The following TPR variants were observed in gnomAD, a reference collection of about 807,000 sequenced individuals.
The protein encoded by TPR is nucleoprotein TPR.
Under a neutral mutation model 316.1 loss-of-function variants are expected in TPR, and 51 were observed. That is an observed-to-expected ratio of 0.16 (90% CI 0.13 to 0.20). The LOEUF (loss-of-function observed/expected upper bound fraction) is 0.20, where lower values mean the gene tolerates loss of function less well. Among genes scored for constraint, TPR ranks in the 10% least tolerant of loss-of-function variants. The pLI is 1.00. For missense variants in TPR, 2,272 were observed against 2,754.8 expected (o/e 0.82, Z 3.92); for synonymous variants, 981 against 914.7 (o/e 1.07, Z -1.31).
chr1:186,317,649 C>G, intron 48 of TPR, 49 bp from the exon 49 acceptor site: 1 of 1,525,600 alleles, frequency 6.6e-7, no homozygotes, highest in Non-Finnish European at 9.0e-7. Context: ...TACAGTCAAT[C>G]ATAAATTATA....
Position 186,358,622 on chromosome 1 carries a change from T to C in TPR, c.1418A>G (p.Asp473Gly). The C allele has an allele frequency of 6.2e-7, 1 of 1,612,508 alleles. No individual in the cohort carries two copies. The highest frequency in any genetic ancestry group is 8.5e-7 in the Non-Finnish European group (1 of 1,179,336). ...TACAGATGATTGCTTGTTGGCTTTA[T>C]CAGTGTCCTCCTGCAATCGCTGAAT... The part of the protein sequence containing the change: ...KEIQRLQEDT[D>G]KANKQSSVLE... The change falls in exon 13 of 51, where the codon GAT becomes GGT. Residue 473 changes from aspartate to glycine, a missense_variant. By Grantham distance (94) the Asp-to-Gly change is moderately conservative. This residue lies in a region of TPR where 549 missense variants were observed against 598.6 expected (regional missense o/e 0.92). Transcript: ENST00000367478.
In TPR at chr1:186,341,072, T is replaced by C; in HGVS notation, c.3976A>G (p.Lys1326Glu). Residue 1326 changes from lysine (K) to glutamate (E), a missense_variant, in exon 29 of 51, where the codon AAG (lysine) becomes GAG (glutamate). Physicochemically the swap from Lys to Glu is moderately conservative, Grantham distance 56. Coordinates refer to ENST00000367478, the MANE Select transcript of TPR (RefSeq NM_003292.3). ...CGTTTGACATCCTCTTCTAAGAGCT[T>C]CTTCTCTGCCTGCAACATACCGCTT... ...EKSGMLQAEK[K>E]LLEEDVKRWK... 1 of 1,614,134 alleles carries C rather than the reference T, an allele frequency of 6.2e-7. No homozygotes were observed. The highest frequency in any genetic ancestry group is 8.5e-7 in the Non-Finnish European group (1 of 1,180,010).
intron 33 of TPR, 87 bp downstream of exon 33, chr1:186,336,409 A>G: frequency 1.6e-6 from 2 of 1,263,434 alleles, no homozygotes; most frequent in South Asian, 1.2e-5. Context: ...ATAAGTAGAT[A>G]CCTTTTATTT....
At chr1:186,361,756 T>A in intron 8 of TPR, 33 bp downstream of exon 8, 9 of 1,613,132 alleles carry the variant, frequency 5.6e-6, no homozygotes, top group Non-Finnish European at 7.6e-6. Context: ...CAATGCAACA[T>A]TTAGATACTA....
At chr1:186,344,275 T>C in intron 25 of TPR, 100 bp downstream of exon 25, 1 of 1,445,616 alleles carries the variant, frequency 6.9e-7, no homozygotes, top group South Asian at 1.3e-5. Flanking sequence ...CACTCCAGCA[T>C]GGGTGACAGA....
At chr1:186,325,404 A>C (rs1279467899) in intron 42 of TPR, 2 of 166,258 alleles carry the variant, frequency 1.2e-5, no homozygotes, top group Non-Finnish European at 1.3e-5. Context: ...AATAGCCCCA[A>C]ATCTTGAAGC....
chr1:186,312,853 TC>T lies in TPR; in HGVS notation c.*1117del. On this transcript the variant is annotated 3_prime_UTR_variant, in exon 51 of 51. Transcript: ENST00000367478. ...ACCTCAGCTATATCACTGCCCAACA[TC>T]AGAAAACCTGACGGCTATGATTACT... The T allele has an allele frequency of 1.2e-6, 2 of 1,612,618 alleles. No homozygotes were observed. Among genetic ancestry groups the T allele is most frequent in the Non-Finnish European group, 1.7e-6 (2 of 1,178,694 alleles).
At position 186,341,115 on chromosome 1, in the gene TPR, A is replaced by G; in HGVS notation, c.3933T>C (p.Asn1311=). The part of the protein sequence containing the change: ...ELDILPLQEA[N]AELSEKSGML... ...TACCGCTTTTCTCACTCAGCTCAGC[A>G]TTTGCTTCTTGTAAGGGTAAAATAT... Residue 1311 remains asparagine (N), a synonymous_variant, in exon 29 of 51, where the codon AAT becomes AAC. Transcript: ENST00000367478. The G allele has an allele frequency of 6.2e-7, 1 of 1,614,112 alleles. No homozygotes were observed. The highest frequency in any genetic ancestry group is 8.5e-7 in the Non-Finnish European group (1 of 1,180,006).
rs1658226368 is a variant in TPR at position 186,333,186 on chromosome 1, T to G, written c.5391A>C (p.Ile1797=). ...CTGGTGAACTCTGAACAACCTCTACTATGTTTGAAGATAACTCTTGATTGG... is the reference window on the plus strand; with the variant it reads ...CTGGTGAACTCTGAACAACCTCTACGATGTTTGAAGATAACTCTTGATTGG... ...EPANQELSSN[I]VEVVQSSPVE... Residue 1797 remains isoleucine, a synonymous_variant, in exon 37 of 51, where the codon ATA becomes ATC. Transcript: ENST00000367478. 1 of 1,613,566 alleles carries G rather than the reference T, an allele frequency of 6.2e-7. No homozygotes were observed. Among genetic ancestry groups the G allele is most frequent in the Non-Finnish European group, 8.5e-7 (1 of 1,179,670 alleles).
chr1:186,338,741 A>G (rs2102070210), intron 30 of TPR, among the ~76,000 whole-genome samples: 1 of 152,324 alleles, frequency 6.6e-6, no homozygotes, highest in Middle Eastern at 3.4e-3. Context: ...CATTTGGTCT[A>G]TGGGCTACAG....
chr1:186,331,632 G>A, intron 38 of TPR, 51 bp from the exon 39 acceptor site: 1 of 1,230,868 alleles, frequency 8.1e-7, no homozygotes, highest in Non-Finnish European at 1.1e-6. Context: ...GTAGATGAAG[G>A]GTTACCTGTT....
At chr1:186,358,977 C>T (rs1370780387) in intron 12 of TPR, among the ~76,000 whole-genome samples, 1 of 152,040 alleles carries the variant, frequency 6.6e-6, no homozygotes, top group Non-Finnish European at 1.5e-5. Flanking sequence ...TGCTAGACTT[C>T]ACTTGATGAA....
At chr1:186,338,850 C>G (rs1297536248) in intron 30 of TPR, among the ~76,000 whole-genome samples, 1 of 151,870 alleles carries the variant, frequency 6.6e-6, no homozygotes, top group African/African-American at 2.4e-5. Context: ...AATCAGATGG[C>G]CTGAATTAGG....
At chr1:186,318,203 C>G (rs1252092464) in intron 48 of TPR, among the ~76,000 whole-genome samples, 1 of 152,026 alleles carries the variant, frequency 6.6e-6, no homozygotes, top group Non-Finnish European at 1.5e-5. Flanking sequence ...GTGGCGGGTG[C>G]CTGTAATCCC....
intron 49 of TPR, among the ~76,000 whole-genome samples, chr1:186,315,906 T>C (rs891205082): frequency 6.7e-6 from 1 of 148,448 alleles, no homozygotes; most frequent in African/African-American, 2.5e-5. Context: ...TGCACAGCTT[T>C]GATCCCTTTC....
At chr1:186,331,670 C>T in intron 38 of TPR, 89 bp from the exon 39 acceptor site, 1 of 754,420 alleles carries the variant, frequency 1.3e-6, no homozygotes, top group South Asian at 3.0e-5. Context: ...TTGAAAAAAC[C>T]CTTCAAATCT....
intron 4 of TPR, among the ~76,000 whole-genome samples, chr1:186,364,198 TAAC>T (rs1050312623): frequency 6.6e-6 from 1 of 152,194 alleles, no homozygotes; most frequent in Non-Finnish European, 1.5e-5. Context: ...AAACCTTGAA[TAAC>T]AACATGGGAT....
At chr1:186,348,254 T>C (rs1053453192) in intron 21 of TPR, among the ~76,000 whole-genome samples, 5 of 152,150 alleles carry the variant, frequency 3.3e-5, no homozygotes, top group Non-Finnish European at 5.9e-5. Flanking sequence ...GGGAGGTCTA[T>C]GAACAGCCGC....
At chr1:186,319,918 C>T (rs971255392) in intron 46 of TPR, among the ~76,000 whole-genome samples, 1 of 152,070 alleles carries the variant, frequency 6.6e-6, no homozygotes, top group Admixed American at 6.5e-5. Flanking sequence ...TAGCCTTATA[C>T]ATTTAATTAG....
Sources: allele counts gnomAD v4.1 joint callset (sites outside exome capture counted in the v4.1 genomes callset), GRCh38; gene constraint gnomAD v4.1.1; regional missense constraint gnomAD v4.1.1; transcripts MANE v1.5; gene names NCBI Gene and HGNC (gene_info 2026-07-23, HGNC 2026-07-21).